LRRC7: variants seen among roughly 807,000 people sequenced by gnomAD.
LRRC7 encodes the protein leucine-rich repeat-containing protein 7.
LRRC7 carries 23 observed loss-of-function variants against 175.7 expected under a neutral mutation model. The observed-to-expected ratio is 0.13, with a 90% CI of 0.09 to 0.19. The LOEUF is 0.19. LRRC7 is among the 10% of genes least tolerant of loss of function. LRRC7 has a pLI of 1.00. For synonymous variants in LRRC7, 685 were observed against 680.9 expected, an observed-to-expected ratio of 1.01 and a Z score of -0.09; for missense variants, 1,354 against 1,904.7, an observed-to-expected ratio of 0.71 and a Z score of 5.38.
At chr1:69,659,821 A>C (rs956303977) in intron 1 of LRRC7, among the ~76,000 whole-genome samples, 2 of 152,074 alleles carry the variant, frequency 1.3e-5, no homozygotes, top group Non-Finnish European at 2.9e-5. Context: ...ATATCTAAAC[A>C]TAGAAAAATC....
At chr1:69,739,461 C>A (rs1300966232) in intron 2 of LRRC7, among the ~76,000 whole-genome samples, 2 of 152,110 alleles carry the variant, frequency 1.3e-5, no homozygotes, top group African/African-American at 4.8e-5. Context: ...CATCTTTCTA[C>A]TACTGCCAAG....
intron 3 of LRRC7, among the ~76,000 whole-genome samples, chr1:69,766,614 A>C (rs1400997829): frequency 6.6e-6 from 1 of 152,154 alleles, no homozygotes; most frequent in Admixed American, 6.6e-5. Context: ...AGGCACGTTG[A>C]TGGTGTCTTC....
chr1:69,710,001 G>T (rs933663091), intron 2 of LRRC7, among the ~76,000 whole-genome samples: 2 of 151,996 alleles, frequency 1.3e-5, no homozygotes, highest in East Asian at 3.9e-4. Flanking sequence ...AAAGTCAACC[G>T]GTGTGGTGTC....
intron 3 of LRRC7, among the ~76,000 whole-genome samples, chr1:69,783,820 T>A (rs1674082609): frequency 7.0e-6 from 1 of 142,590 alleles, no homozygotes; most frequent in African/African-American, 2.6e-5. Context: ...AAAGAATAAA[T>A]CCTTACTTCA....
intron 23 of LRRC7, among the ~76,000 whole-genome samples, chr1:70,058,501 A>G (rs1661329863): frequency 6.6e-6 from 1 of 152,250 alleles, no homozygotes; most frequent in Non-Finnish European, 1.5e-5. Context: ...TTTGTATTTT[A>G]GAGTCTAATT....
intron 22 of LRRC7, among the ~76,000 whole-genome samples, chr1:70,051,949 T>G (rs981987336): frequency 2.6e-5 from 4 of 152,108 alleles, no homozygotes; most frequent in African/African-American, 9.7e-5. Context: ...CATGTTTTGA[T>G]GAGAATAGCC....
intron 7 of LRRC7, among the ~76,000 whole-genome samples, chr1:69,856,165 A>T (rs1293492165): frequency 6.6e-6 from 1 of 152,186 alleles, no homozygotes; most frequent in Non-Finnish European, 1.5e-5. Flanking sequence ...TGATCCTGTC[A>T]TTATGATGTT....
intron 7 of LRRC7, among the ~76,000 whole-genome samples, chr1:69,929,314 A>G (rs898439698): frequency 6.6e-6 from 1 of 152,156 alleles, no homozygotes; most frequent in Non-Finnish European, 1.5e-5. Flanking sequence ...AATGATTAAC[A>G]TCTCTAGTTG....
intron 7 of LRRC7, among the ~76,000 whole-genome samples, chr1:69,861,065 TTATAAG>T (rs1449080801): frequency 2.0e-5 from 3 of 151,960 alleles, no homozygotes; most frequent in East Asian, 3.9e-4. Flanking sequence ...CACTCTCATT[TTATAAG>T]TATAATTGTA....
intron 25 of LRRC7, among the ~76,000 whole-genome samples, chr1:70,105,140 A>T (rs1665055086): frequency 6.6e-6 from 1 of 152,204 alleles, no homozygotes. Context: ...CCAGTGTGGA[A>T]AGAACCATGG....
intron 7 of LRRC7, among the ~76,000 whole-genome samples, chr1:69,875,421 G>C (rs973342847): frequency 6.6e-6 from 1 of 151,960 alleles, no homozygotes; most frequent in Non-Finnish European, 1.5e-5. Flanking sequence ...CAAGTAAGTG[G>C]AATAACTGTT....
chr1:69,636,291 G>A (rs1165244348), intron 1 of LRRC7, among the ~76,000 whole-genome samples: 1 of 151,938 alleles, frequency 6.6e-6, no homozygotes, highest in African/African-American at 2.4e-5. Flanking sequence ...AGTTTCATCT[G>A]TTAGGCATTT....
At chr1:70,019,564 A>T (rs1232620200) in intron 15 of LRRC7, among the ~76,000 whole-genome samples, 1 of 151,940 alleles carries the variant, frequency 6.6e-6, no homozygotes, top group Non-Finnish European at 1.5e-5. Flanking sequence ...TACTCAATCC[A>T]TGTGAATGAG....
chr1:69,585,382 A>C (rs1245056), intron 1 of LRRC7, among the ~76,000 whole-genome samples: 22,972 of 152,128 alleles, frequency 0.15, 1,910 homozygotes, highest in Admixed American at 0.19. Flanking sequence ...AGACTAAAAA[A>C]GTACCTTTCT....
At chr1:69,958,641 G>A (rs575594350) in intron 8 of LRRC7, among the ~76,000 whole-genome samples, 166 of 152,130 alleles carry the variant, frequency 1.1e-3, no homozygotes, top group African/African-American at 3.9e-3. Flanking sequence ...AAGAGATTTA[G>A]ATCTCAGATG....
chr1:70,004,560 C>G (rs1458494582), intron 11 of LRRC7, among the ~76,000 whole-genome samples: 1 of 152,136 alleles, frequency 6.6e-6, no homozygotes, highest in Non-Finnish European at 1.5e-5. Flanking sequence ...AGTGATGAAA[C>G]TGAGGTACAC....
At chr1:69,667,880 C>A (rs1261895039) in intron 1 of LRRC7, among the ~76,000 whole-genome samples, 1 of 152,138 alleles carries the variant, frequency 6.6e-6, no homozygotes, top group Non-Finnish European at 1.5e-5. Context: ...ATCTTCTCCT[C>A]ATTCCTTTCT....
intron 7 of LRRC7, among the ~76,000 whole-genome samples, chr1:69,904,965 T>A (rs1646252377): frequency 6.6e-6 from 1 of 152,152 alleles, no homozygotes; most frequent in Non-Finnish European, 1.5e-5. Context: ...GATAACACCC[T>A]CCATTATGTA....
chr1:69,710,858 C>T (rs1392583885), intron 2 of LRRC7, among the ~76,000 whole-genome samples: 2 of 152,154 alleles, frequency 1.3e-5, no homozygotes, highest in East Asian at 1.9e-4. Context: ...CCAGAGCCCA[C>T]GCTGACTAGA....
Sources: gnomAD v4.1 joint callset for allele counts (sites outside exome capture counted in the v4.1 genomes callset) on GRCh38, gnomAD v4.1.1 for gene constraint, MANE v1.5 for transcripts, NCBI Gene and HGNC (gene_info 2026-07-23, HGNC 2026-07-21) for gene names.